Variants in KAT6A observed in about 807,000 individuals in gnomAD.
The protein encoded by KAT6A is lysine acetyltransferase 6A.
A neutral mutation model predicts 198.4 loss-of-function variants in KAT6A; 9 were observed. That is an observed-to-expected ratio of 0.05 (90% CI 0.03 to 0.08). KAT6A has a LOEUF of 0.08. KAT6A is among the 10% of genes least tolerant of loss of function. The probability of loss-of-function intolerance (pLI) is 1.00; values close to 1 mark genes in which losing one functional copy is unlikely to be tolerated. For synonymous variants in KAT6A, 890 were observed against 883.0 expected (o/e 1.01, Z -0.14); for missense variants, 2,077 against 2,509.9 (o/e 0.83, Z 3.69).
At position 41,937,352 on chromosome 8, in the gene KAT6A, G is replaced by A. The variant is rs61753683; in HGVS notation, c.3256C>T (p.Arg1086Cys). The stretch of plus-strand genomic sequence containing the variant: ...AGTACATCCTGCGAAGACAAACGAC[G>A]GAAGTATTCTCTAGGGAAAAGTTCA... ...ENELFPREYF[R>C]RLSSQDVLRC... Residue 1086 changes from arginine to cysteine, a missense_variant, in exon 16 of 17, where the codon CGT becomes TGT. This residue lies in a region of KAT6A where 375 missense variants were observed against 383.0 expected (regional missense o/e 0.98). Coordinates refer to ENST00000265713, the MANE Select transcript of KAT6A (RefSeq NM_006766.5). 8.0e-5 allele frequency: 129 copies of A among 1,613,762 alleles called. No individual in the cohort carries two copies. The highest frequency in any genetic ancestry group is 2.0e-4 in the Admixed American group (12 of 59,998).
chr8:41,965,786 G>A (rs1447126257), intron 8 of KAT6A, among the ~76,000 whole-genome samples: 1 of 152,186 alleles, frequency 6.6e-6, no homozygotes, highest in Non-Finnish European at 1.5e-5. Flanking sequence ...CTAGTAACAA[G>A]ATGTCAGTTT....
At chr8:41,990,228 T>G (rs943109080) in intron 2 of KAT6A, among the ~76,000 whole-genome samples, 7 of 152,196 alleles carry the variant, frequency 4.6e-5, no homozygotes, top group African/African-American at 1.7e-4. Flanking sequence ...AAAAACTGAT[T>G]GCAAGGGATG....
intron 1 of KAT6A, among the ~76,000 whole-genome samples, chr8:42,051,037 G>A (rs958578852): frequency 3.3e-5 from 5 of 152,168 alleles, no homozygotes; most frequent in Non-Finnish European, 5.9e-5. Flanking sequence ...CAGCCCGGCA[G>A]CTCGCCGACG....
At chr8:42,009,173 T>A (rs1048251599) in intron 2 of KAT6A, among the ~76,000 whole-genome samples, 1 of 152,098 alleles carries the variant, frequency 6.6e-6, no homozygotes, top group Non-Finnish European at 1.5e-5. Flanking sequence ...AGAGAGAAAA[T>A]CAGTTAGTTA....
chr8:42,042,037 T>C (rs1172094016), intron 2 of KAT6A, among the ~76,000 whole-genome samples: 1 of 152,244 alleles, frequency 6.6e-6, no homozygotes, highest in South Asian at 2.1e-4. Flanking sequence ...TCCAAGCTTA[T>C]ATTGGTTAAC....
rs1235476273 is a variant in KAT6A, at chr8:41,934,710, T to G, written c.3510A>C (p.Lys1170Asn). ...PIHWKKRPGR[K>N]PGFKLSREIM... Reference sequence around the variant, plus strand: ...TTTCCCGACTCAACTTAAATCCTGGTTTTCGACCAGGTCTTTTCTTCCAGT... The same window carrying G: ...TTTCCCGACTCAACTTAAATCCTGGGTTTCGACCAGGTCTTTTCTTCCAGT... The change falls in exon 17 of 17, where the codon AAA becomes AAC. Residue 1170 changes from lysine to asparagine, a missense_variant. Physicochemically the swap from Lys to Asn is moderately conservative, Grantham distance 94. Transcript: ENST00000265713. 33 of 1,614,046 alleles carry G rather than the reference T, an allele frequency of 2.0e-5. No homozygotes were observed. Among genetic ancestry groups the G allele is most frequent in the Non-Finnish European group, 2.7e-5 (32 of 1,180,042 alleles).
chr8:41,991,934 G>A (rs960109151), intron 2 of KAT6A, among the ~76,000 whole-genome samples: 5 of 152,100 alleles, frequency 3.3e-5, no homozygotes, highest in African/African-American at 4.8e-5. Context: ...AACAAAAGAA[G>A]TAATGACACA....
At chr8:41,961,551 G>A (rs143683004) in intron 8 of KAT6A, among the ~76,000 whole-genome samples, 28 of 152,096 alleles carry the variant, frequency 1.8e-4, no homozygotes, top group Non-Finnish European at 3.2e-4. Flanking sequence ...TCAAGAGATC[G>A]AGACCATCCT....
intron 2 of KAT6A, among the ~76,000 whole-genome samples, chr8:42,045,267 C>A (rs921613771): frequency 6.6e-6 from 1 of 152,126 alleles, no homozygotes; most frequent in African/African-American, 2.4e-5. Context: ...AATTTAGTTA[C>A]TTCAGTTAAC....
At chr8:42,029,969 G>A (rs1292961497) in intron 2 of KAT6A, among the ~76,000 whole-genome samples, 1 of 151,990 alleles carries the variant, frequency 6.6e-6, no homozygotes, top group African/African-American at 2.4e-5. Flanking sequence ...GACTCTTTCT[G>A]GAGAATTAAT....
chr8:42,012,032 G>GT, intron 2 of KAT6A, among the ~76,000 whole-genome samples: 1 of 152,104 alleles, frequency 6.6e-6, no homozygotes, highest in Non-Finnish European at 1.5e-5. Flanking sequence ...CCAATCGTTA[G>GT]GGAAATGCAA....
At chr8:41,994,147 A>G (rs553090233) in intron 2 of KAT6A, among the ~76,000 whole-genome samples, 1 of 152,234 alleles carries the variant, frequency 6.6e-6, no homozygotes, top group Non-Finnish European at 1.5e-5. Flanking sequence ...CCCATGATCT[A>G]TATAAAGTAA....
rs201261699 is a variant in KAT6A, at chr8:41,946,583, A to T, written c.1996+8T>A. On this transcript the variant is annotated splice_region_variant and intron_variant, in intron 12 of 16. Coordinates refer to ENST00000265713, the MANE Select transcript of KAT6A (RefSeq NM_006766.5). ...AAAAGACCAATGAGAAATTAATATA[A>T]TCCTTACTGAAATCGATGAGAAACC... 7.5e-5 allele frequency: 109 copies of T among 1,450,380 alleles called. No homozygotes were observed. Among genetic ancestry groups the T allele is most frequent in the Non-Finnish European group, 9.7e-5 (100 of 1,032,028 alleles). 89.8% of individuals were successfully genotyped at this position (1,450,380 alleles called of 1,614,324 possible). A position where few individuals can be genotyped will look rare whatever the true frequency, so the allele number is the denominator to read the frequency against.
At chr8:42,014,378 A>G (rs1409518772) in intron 2 of KAT6A, among the ~76,000 whole-genome samples, 2 of 152,264 alleles carry the variant, frequency 1.3e-5, no homozygotes, top group Non-Finnish European at 2.9e-5. Flanking sequence ...AGCCATTCAC[A>G]ATCATCTATA....
In KAT6A at chr8:41,937,398, T is replaced by C; in HGVS notation, c.3210A>G (p.Glu1070=). The change falls in exon 16 of 17, where the codon GAA becomes GAG. Residue 1070 remains glutamate, a synonymous_variant. Coordinates refer to ENST00000265713, the MANE Select transcript of KAT6A (RefSeq NM_006766.5). ...GTTCATTTTCATCCTCTTCCTCCTCTTCTTCATCGATCTCAAACGTGGGTT... is the reference window on the plus strand; with the variant it reads ...GTTCATTTTCATCCTCTTCCTCCTCCTCTTCATCGATCTCAAACGTGGGTT... The part of the protein sequence containing the change: ...RLEPTFEIDE[E]EEEEDENELF... 6.2e-7 allele frequency: 1 copy of C among 1,614,148 alleles called. No individual in the cohort carries two copies.
At chr8:41,985,927 GT>G (rs901306608) in intron 3 of KAT6A, among the ~76,000 whole-genome samples, 3 of 149,478 alleles carry the variant, frequency 2.0e-5, no homozygotes, top group Admixed American at 1.3e-4. Flanking sequence ...GGTCTTGTAA[GT>G]TTTTTTTTTG....
At chr8:41,936,495 C>T (rs1449176269) in intron 16 of KAT6A, among the ~76,000 whole-genome samples, 1 of 152,172 alleles carries the variant, frequency 6.6e-6, no homozygotes, top group Non-Finnish European at 1.5e-5. Context: ...GCGAGATAAA[C>T]ACACTGCAGA....
chr8:42,037,569 C>A (rs910288103), intron 2 of KAT6A, among the ~76,000 whole-genome samples: 6 of 152,146 alleles, frequency 3.9e-5, no homozygotes, highest in African/African-American at 9.7e-5. Context: ...GTTCACAATT[C>A]CCTGGAGGAA....
At chr8:41,950,466 CCTAA>C (rs551422457) in intron 9 of KAT6A, among the ~76,000 whole-genome samples, 32 of 152,282 alleles carry the variant, frequency 2.1e-4, no homozygotes, top group African/African-American at 2.9e-4. Context: ...CACCTCCCTC[CCTAA>C]CTGTTTTACT....
Sources: allele counts gnomAD v4.1 joint callset (sites outside exome capture counted in the v4.1 genomes callset), GRCh38; gene constraint gnomAD v4.1.1; regional missense constraint gnomAD v4.1.1; transcripts MANE v1.5; gene names NCBI Gene and HGNC (gene_info 2026-07-23, HGNC 2026-07-21).